Variants in ZSCAN25 observed in about 807,000 individuals in gnomAD.
The protein encoded by ZSCAN25 is zinc finger and SCAN domain-containing protein 25.
Under a neutral mutation model 38.7 loss-of-function variants are expected in ZSCAN25, and 27 were observed. The observed-to-expected ratio is 0.70, with a 90% CI of 0.51 to 0.96. The LOEUF (loss-of-function observed/expected upper bound fraction) is 0.96. Ranked by LOEUF, ZSCAN25 falls within the 40% of genes least tolerant of loss-of-function variation. The pLI is 0.00. For synonymous variants in ZSCAN25, 273 were observed against 277.7 expected, an observed-to-expected ratio of 0.98 and a Z score of 0.17; for missense variants, 637 against 705.9, an observed-to-expected ratio of 0.90 and a Z score of 1.11.
At chr7:99,673,637 C>A in the ZSCAN25 span, among the ~76,000 whole-genome samples, 1 of 152,216 alleles carries the variant, frequency 6.6e-6, no homozygotes, top group Non-Finnish European at 1.5e-5. Flanking sequence ...TATTATCTCT[C>A]AACCCTTCTT....
At chr7:99,661,396 A>T in the ZSCAN25 span, among the ~76,000 whole-genome samples, 110 of 152,348 alleles carry the variant, frequency 7.2e-4, 1 homozygote, top group African/African-American at 2.5e-3. Flanking sequence ...TCTAGGGTAC[A>T]GTTCTCAGAA....
At chr7:99,677,397 C>G in the ZSCAN25 span, among the ~76,000 whole-genome samples, 1 of 152,210 alleles carries the variant, frequency 6.6e-6, no homozygotes, top group Non-Finnish European at 1.5e-5. Flanking sequence ...TATGTACTTT[C>G]AGCTAAAAGA....
the ZSCAN25 span, among the ~76,000 whole-genome samples, chr7:99,722,694 G>T: frequency 2.6e-5 from 4 of 152,184 alleles, no homozygotes; most frequent in Non-Finnish European, 5.9e-5. Flanking sequence ...GGGGCATGTG[G>T]AGAAACTGAG....
the ZSCAN25 span, chr7:99,674,501 G>GTC: frequency 1.1e-5 from 18 of 1,585,890 alleles, no homozygotes; most frequent in African/African-American, 2.4e-4. Flanking sequence ...ACAGTAGCAG[G>GTC]TCTATCCAAT....
the ZSCAN25 span, among the ~76,000 whole-genome samples, chr7:99,709,926 CAAAAG>C: frequency 6.6e-6 from 1 of 152,058 alleles, no homozygotes; most frequent in South Asian, 2.1e-4. Flanking sequence ...CCAAATATGA[CAAAAG>C]AAAGTTCTGG....
rs190671474 is a variant in ZSCAN25 at position 99,623,007 on chromosome 7, C to T, written c.681+367C>T. Among the ~76,000 whole-genome samples the T allele has an allele frequency of 2.7e-3, 415 of 152,254 alleles. 4 individuals carry two copies. Among genetic ancestry groups the T allele is most frequent in the Middle Eastern group, 0.01 (3 of 294 alleles). On this transcript the variant is annotated intron_variant, in intron 6 of 7. Transcript: ENST00000394152. ...ATTTTTAGTAGAGACGGGGTTTCAC[C>T]GTGTTAGCCAGGATGGTCTCGATCT...
the ZSCAN25 span, chr7:99,663,641 A>G: frequency 9.9e-7 from 1 of 1,011,462 alleles, no homozygotes; most frequent in Middle Eastern, 4.9e-4. Context: ...AAAGCACAAT[A>G]CCAGTAAAAT....
the ZSCAN25 span, among the ~76,000 whole-genome samples, chr7:99,649,324 G>C: frequency 6.6e-6 from 1 of 152,198 alleles, no homozygotes; most frequent in African/African-American, 2.4e-5. Flanking sequence ...AAGGGGTAGA[G>C]TTGCATATTA....
chr7:99,660,109 C>A, the ZSCAN25 span: 1 of 658,776 alleles, frequency 1.5e-6, no homozygotes, highest in Non-Finnish European at 1.9e-6. Flanking sequence ...TGAGATGCAC[C>A]CGGTACCTCA....
the ZSCAN25 span, among the ~76,000 whole-genome samples, chr7:99,729,225 A>G: frequency 6.6e-6 from 1 of 152,158 alleles, no homozygotes; most frequent in African/African-American, 2.4e-5. Context: ...TTAATATAAA[A>G]ACACATTCAG....
At position 99,630,448 on chromosome 7, in the gene ZSCAN25, A is replaced by T; in HGVS notation, c.*428A>T. 1 of 1,003,720 alleles carries T rather than the reference A, an allele frequency of 1.0e-6. No homozygotes were observed. Among genetic ancestry groups the T allele is most frequent in the Non-Finnish European group, 1.2e-6 (1 of 841,726 alleles). The allele number at this position is 1,003,720 out of a possible 1,614,324, so 62.2% of individuals were successfully genotyped here. A position where few individuals can be genotyped will look rare whatever the true frequency, so the allele number is the denominator to read the frequency against. On this transcript the variant is annotated 3_prime_UTR_variant, in exon 8 of 8. Coordinates refer to ENST00000394152, the MANE Select transcript of ZSCAN25 (RefSeq NM_145115.3). Reference sequence around the variant, plus strand: ...CCCCTCTCTTTTCCATTGAACAAACATTTATTGAACATCCTCTGAGCACCT... The same window carrying T: ...CCCCTCTCTTTTCCATTGAACAAACTTTTATTGAACATCCTCTGAGCACCT...
the ZSCAN25 span, among the ~76,000 whole-genome samples, chr7:99,656,867 A>C: frequency 6.6e-6 from 1 of 152,110 alleles, no homozygotes; most frequent in Non-Finnish European, 1.5e-5. Context: ...GTTTATTTGC[A>C]TAGAGGTGTT....
At chr7:99,697,493 C>CA in the ZSCAN25 span, among the ~76,000 whole-genome samples, 1 of 152,176 alleles carries the variant, frequency 6.6e-6, no homozygotes, top group African/African-American at 2.4e-5. Context: ...CCATATGCGT[C>CA]ATGTGTGCTT....
chr7:99,637,473 CTTTCATA>C, the ZSCAN25 span, among the ~76,000 whole-genome samples: 4 of 152,114 alleles, frequency 2.6e-5, no homozygotes, highest in African/African-American at 7.2e-5. Flanking sequence ...ATGGGTTACA[CTTTCATA>C]TTTTTATGCA....
intron 7 of ZSCAN25, among the ~76,000 whole-genome samples, chr7:99,628,758 A>C (rs1258392719): frequency 3.3e-5 from 5 of 152,228 alleles, no homozygotes; most frequent in African/African-American, 7.2e-5. Context: ...CCTGTGCTAC[A>C]GCAGGTGTAG....
In ZSCAN25 at chr7:99,630,857, A is replaced by AG; in HGVS notation, c.*837_*838insG. On this transcript the variant is annotated 3_prime_UTR_variant, in exon 8 of 8. Coordinates refer to ENST00000394152, the MANE Select transcript of ZSCAN25 (RefSeq NM_145115.3). Reference sequence around the variant, plus strand: ...AATAAACATCAGAGTATTTTAAAAAACAGTTCTCTAGAAAGAACTGTTATA... The same window carrying AG: ...AATAAACATCAGAGTATTTTAAAAAAGCAGTTCTCTAGAAAGAACTGTTATA... 1 of 984,846 alleles carries AG rather than the reference A, an allele frequency of 1.0e-6. No individual in the cohort carries two copies. 61.0% of individuals were successfully genotyped at this position (984,846 alleles called of 1,614,324 possible).
At chr7:99,645,323 A>G in the ZSCAN25 span, among the ~76,000 whole-genome samples, 4 of 152,166 alleles carry the variant, frequency 2.6e-5, no homozygotes, top group Admixed American at 1.3e-4. Flanking sequence ...ATAGTATCCC[A>G]TGGTGTATAT....
downstream of ZSCAN25, among the ~76,000 whole-genome samples, chr7:99,633,931 G>A (rs1808159960): frequency 5.9e-5 from 9 of 152,332 alleles, no homozygotes; most frequent in South Asian, 1.9e-3. Context: ...CGTATTTCCT[G>A]CCCCTTTTGA....
At position 99,630,401 on chromosome 7, in the gene ZSCAN25, A is replaced by C; in HGVS notation, c.*381A>C. The C allele has an allele frequency of 1.9e-6, 2 of 1,036,976 alleles. No individual in the cohort carries two copies. The highest frequency in any genetic ancestry group is 2.3e-6 in the Non-Finnish European group (2 of 862,666). The allele number at this position is 1,036,976 out of a possible 1,614,324, so 64.2% of individuals were successfully genotyped here. A position where few individuals can be genotyped will look rare whatever the true frequency, so the allele number is the denominator to read the frequency against. On this transcript the variant is annotated 3_prime_UTR_variant, in exon 8 of 8. Coordinates refer to ENST00000394152, the MANE Select transcript of ZSCAN25 (RefSeq NM_145115.3). ...AGGGCTCTGTCTTGCCTGCAGGGTC[A>C]TAGCTCAGACTCTTCCCCCACCCCC...
Sources: allele counts gnomAD v4.1 joint callset (sites outside exome capture counted in the v4.1 genomes callset), GRCh38; gene constraint gnomAD v4.1.1; transcripts MANE v1.5; gene names NCBI Gene and HGNC (gene_info 2026-07-23, HGNC 2026-07-21).